Variants in ZBBX observed in about 807,000 individuals in gnomAD.
ZBBX encodes zinc finger B-box domain-containing protein 1.
Under a neutral mutation model 108.5 loss-of-function variants are expected in ZBBX, and 101 were observed. The ratio of observed to expected loss-of-function variants is 0.93; its 90% CI spans 0.79 to 1.10. The LOEUF is 1.10. ZBBX is among the 50% of genes least tolerant of loss of function. The pLI, the probability that ZBBX is intolerant of heterozygous loss-of-function variation, is 0.00. For missense variants in ZBBX, 1,009 were observed against 941.4 expected, an observed-to-expected ratio of 1.07 and a Z score of -0.94; for synonymous variants, 356 against 323.4, an observed-to-expected ratio of 1.10 and a Z score of -1.08.
chr3:167,334,047 C>T (rs1341634364), intron 9 of ZBBX, 62 bp from the exon 10 acceptor site: 3 of 1,087,822 alleles, frequency 2.8e-6, no homozygotes, highest in Admixed American at 5.4e-5. Context: ...AATTTATATA[C>T]ATTAACTCAT....
At position 167,268,440 on chromosome 3, in the gene ZBBX, G is replaced by T. The variant is rs1007799566; in HGVS notation, c.2254+13798C>A. On this transcript the variant is annotated intron_variant, in intron 20 of 21. Coordinates refer to ENST00000675490, the MANE Select transcript of ZBBX (RefSeq NM_001199201.2). ...CAAAAGCTTCCTGGCCAAGACCCCT[G>T]GTGGGACAATAATAACCCAGCTCAC... Among the ~76,000 whole-genome samples, 3 of 151,750 alleles carry T rather than the reference G, an allele frequency of 2.0e-5. No individual in the cohort carries two copies. The South Asian group carries it at 6.3e-4, about 32-fold the overall frequency.
chr3:167,236,072 G>C (rs768588964), downstream of ZBBX, among the ~76,000 whole-genome samples: 1 of 151,832 alleles, frequency 6.6e-6, no homozygotes, highest in Admixed American at 6.6e-5. Flanking sequence ...AATTTCTCCT[G>C]TCTGAAAGAA....
chr3:167,349,845 T>C (rs1742329291), intron 9 of ZBBX, among the ~76,000 whole-genome samples: 1 of 152,066 alleles, frequency 6.6e-6, no homozygotes, highest in Non-Finnish European at 1.5e-5. Context: ...GCCATGTCTA[T>C]ATCTAATTCT....
downstream of ZBBX, among the ~76,000 whole-genome samples, chr3:167,237,750 T>C (rs1336399101): frequency 1.3e-5 from 2 of 151,958 alleles, no homozygotes; most frequent in Non-Finnish European, 2.9e-5. Flanking sequence ...TTTCAATGTA[T>C]ATTGGAAGTC....
chr3:167,241,176 T>C (rs1485652846), intron 21 of ZBBX, among the ~76,000 whole-genome samples: 2 of 152,170 alleles, frequency 1.3e-5, no homozygotes, highest in African/African-American at 2.4e-5. Context: ...TCTCTGATTG[T>C]GTCTTTTGTT....
intron 11 of ZBBX, among the ~76,000 whole-genome samples, chr3:167,323,732 A>C (rs1190352666): frequency 6.6e-6 from 1 of 152,098 alleles, no homozygotes; most frequent in Non-Finnish European, 1.5e-5. Flanking sequence ...TCCTTAATAG[A>C]TAGTGCAAAA....
chr3:167,181,454 C>A, the ZBBX span, among the ~76,000 whole-genome samples: 2 of 152,152 alleles, frequency 1.3e-5, no homozygotes, highest in African/African-American at 4.8e-5. Flanking sequence ...TTAAATTGAG[C>A]AGGTTGAATT....
the ZBBX span, among the ~76,000 whole-genome samples, chr3:167,181,059 T>C: frequency 1.3e-5 from 2 of 152,218 alleles, no homozygotes; most frequent in African/African-American, 4.8e-5. Flanking sequence ...TATTGTTCTA[T>C]CCAAATTGGC....
intron 1 of ZBBX, among the ~76,000 whole-genome samples, chr3:167,388,650 A>C (rs1229161754): frequency 6.6e-6 from 1 of 152,054 alleles, no homozygotes; most frequent in East Asian, 1.9e-4. Flanking sequence ...ATGTAAGTGA[A>C]CACAATCCAG....
At chr3:167,384,676 A>C (rs1016501449), upstream of ZBBX, among the ~76,000 whole-genome samples, 1 of 152,076 alleles carries the variant, frequency 6.6e-6, no homozygotes, top group African/African-American at 2.4e-5. Context: ...TAGTATTGAG[A>C]GAGGCATTCA....
In ZBBX at chr3:167,330,712, C is replaced by T. The variant is rs140554717; in HGVS notation, c.688-2596G>A. ...GAGGTTGCAGTGAGCTGAGTTCACACCACTGCATTCTAGTCTGTGCAACAG... is the reference window on the plus strand; with the variant it reads ...GAGGTTGCAGTGAGCTGAGTTCACATCACTGCATTCTAGTCTGTGCAACAG... On this transcript the variant is annotated intron_variant, in intron 10 of 21. Coordinates refer to ENST00000675490, the MANE Select transcript of ZBBX (RefSeq NM_001199201.2). 3.4e-3 allele frequency among the ~76,000 whole-genome samples: 511 copies of T among 150,814 alleles called. 2 individuals carry two copies. Among genetic ancestry groups the T allele is most frequent in the Middle Eastern group, 6.9e-3 (2 of 290 alleles).
At chr3:167,181,385 C>A in the ZBBX span, among the ~76,000 whole-genome samples, 1 of 152,160 alleles carries the variant, frequency 6.6e-6, no homozygotes, top group Non-Finnish European at 1.5e-5. Context: ...TCAGGCCCTT[C>A]ACAATACAAA....
At chr3:167,188,537 GA>G in the ZBBX span, among the ~76,000 whole-genome samples, 1 of 151,972 alleles carries the variant, frequency 6.6e-6, no homozygotes, top group African/African-American at 2.4e-5. Context: ...ATCAGCATAA[GA>G]AAAAAATCTA....
chr3:167,183,046 T>C, the ZBBX span, among the ~76,000 whole-genome samples: 7,852 of 152,206 alleles, frequency 0.052, 558 homozygotes, highest in African/African-American at 0.16. Flanking sequence ...GCCAGTGTTC[T>C]CTGGAAAAGA....
intron 9 of ZBBX, among the ~76,000 whole-genome samples, chr3:167,343,464 TC>T (rs1740907181): frequency 6.6e-6 from 1 of 151,824 alleles, no homozygotes; most frequent in South Asian, 2.1e-4. Flanking sequence ...TATTTCCCCT[TC>T]CCTAGCTTTT....
At position 167,315,770 on chromosome 3, in the gene ZBBX, A is replaced by G; in HGVS notation, c.1254T>C (p.Ala418=). 6.2e-7 allele frequency: 1 copy of G among 1,608,288 alleles called. No individual in the cohort carries two copies. Residue 418 remains alanine, a synonymous_variant, in exon 15 of 22, where the codon GCT becomes GCC. Coordinates refer to ENST00000675490, the MANE Select transcript of ZBBX (RefSeq NM_001199201.2). ...ENIVPYKVKL[A]DADSQRSCAF... The stretch of plus-strand genomic sequence containing the variant: ...TTTACCTTCGTTGACTGTCTGCATC[A>G]GCTAATTTAACTTTGTAAGGCACAA...
In ZBBX at chr3:167,305,676, G is replaced by T; in HGVS notation, c.1692C>A (p.Ser564Arg). ...ACTTTGTAGTTTTTGATTCTTCAAAGCTTGGCCTCTTATACAGATTGCTCA... is the reference window on the plus strand; with the variant it reads ...ACTTTGTAGTTTTTGATTCTTCAAATCTTGGCCTCTTATACAGATTGCTCA... ...LELSNLYKRP[S>R]FEESKTTKSS... The change falls in exon 17 of 22, where the codon AGC becomes AGA. Residue 564 changes from serine (S) to arginine (R), a missense_variant. Coordinates refer to ENST00000675490, the MANE Select transcript of ZBBX (RefSeq NM_001199201.2). The T allele has an allele frequency of 1.3e-6, 2 of 1,582,978 alleles. No homozygotes were observed. The highest frequency in any genetic ancestry group is 1.7e-6 in the Non-Finnish European group (2 of 1,168,292).
chr3:167,179,954 G>A, the ZBBX span, among the ~76,000 whole-genome samples: 1 of 152,146 alleles, frequency 6.6e-6, no homozygotes, highest in African/African-American at 2.4e-5. Flanking sequence ...GCCTTCGTGA[G>A]GACAATAGTT....
chr3:167,369,223 C>T (rs963373821), intron 4 of ZBBX, among the ~76,000 whole-genome samples: 4 of 152,208 alleles, frequency 2.6e-5, no homozygotes, highest in Admixed American at 2.0e-4. Context: ...TAGCCACCGA[C>T]TCTTTCTTTC....
Sources: gnomAD v4.1 joint callset for allele counts (sites outside exome capture counted in the v4.1 genomes callset) on GRCh38, gnomAD v4.1.1 for gene constraint, MANE v1.5 for transcripts, NCBI Gene and HGNC (gene_info 2026-07-23, HGNC 2026-07-21) for gene names.